Variants in ZNF468 observed in about 807,000 individuals in gnomAD.
ZNF468 encodes the protein zinc finger protein ZNF468.
Under a neutral mutation model 7.2 loss-of-function variants are expected in ZNF468, and 8 were observed. That is an observed-to-expected ratio of 1.11 (90% confidence interval 0.65 to 2.01). ZNF468 has a LOEUF of 2.01. ZNF468 is among the 30% of genes most tolerant of loss of function. The pLI, the probability that ZNF468 is intolerant of heterozygous loss-of-function variation, is 0.00. For synonymous variants in ZNF468, 218 were observed against 214.4 expected, an observed-to-expected ratio of 1.02 and a Z score of -0.15; for missense variants, 608 against 626.5, an observed-to-expected ratio of 0.97 and a Z score of 0.31.
intron 1 of ZNF468, 74 bp from the exon 2 acceptor site, chr19:52,854,419 A>G: frequency 2.1e-6 from 3 of 1,420,002 alleles, no homozygotes; most frequent in Non-Finnish European, 2.9e-6. Context: ...ACACAAACAT[A>G]GGAGACCTCA....
chr19:52,839,020 A>G lies in ZNF468; in HGVS notation c.*1705T>C, dbSNP rs2063271575. On this transcript the variant is annotated 3_prime_UTR_variant, in exon 4 of 4. Transcript: ENST00000595646. ...GTAATCTCAGCACTTTGGGAGGTGG[A>G]GTCGGGTGGATCATAAAGTCAGAAG... The G allele has an allele frequency of 6.6e-6, 1 of 152,190 alleles. No homozygotes were observed. The highest frequency in any genetic ancestry group is 1.5e-5 in the Non-Finnish European group (1 of 68,114). 9.4% of individuals were successfully genotyped at this position (152,190 alleles called of 1,614,324 possible).
chr19:52,855,264 G>T (rs1379003635), intron 1 of ZNF468, among the ~76,000 whole-genome samples: 1 of 152,084 alleles, frequency 6.6e-6, no homozygotes, highest in African/African-American at 2.4e-5. Flanking sequence ...ATGGGTAGAG[G>T]GAACTTCAGA....
intron 2 of ZNF468, chr19:52,853,936 G>A (rs1390390119): frequency 1.4e-6 from 2 of 1,386,408 alleles, no homozygotes; most frequent in South Asian, 1.7e-5. Context: ...GGTCCACAGT[G>A]AGCTGACAGT....
At chr19:52,843,737 CCAG>C (rs1395246708) in intron 3 of ZNF468, among the ~76,000 whole-genome samples, 1 of 152,158 alleles carries the variant, frequency 6.6e-6, no homozygotes, top group Non-Finnish European at 1.5e-5. Flanking sequence ...GTACTTATCA[CCAG>C]CACACAGTGT....
At chr19:52,851,178 A>C (rs1293498272) in intron 2 of ZNF468, among the ~76,000 whole-genome samples, 1 of 151,936 alleles carries the variant, frequency 6.6e-6, no homozygotes, top group Non-Finnish European at 1.5e-5. Context: ...TGAAAGGCTA[A>C]AACAGGAGAA....
rs946392220 is a variant in ZNF468 at position 52,839,007 on chromosome 19, C to A, written c.*1718G>T. 3.9e-5 allele frequency: 6 copies of A among 152,210 alleles called. No homozygotes were observed. The highest frequency in any genetic ancestry group is 7.2e-5 in the African/African-American group (3 of 41,396). 9.4% of individuals were successfully genotyped at this position (152,210 alleles called of 1,614,324 possible). On this transcript the variant is annotated 3_prime_UTR_variant, in exon 4 of 4. Transcript: ENST00000595646. ...GTGGCTCACTCCTGTAATCTCAGCACTTTGGGAGGTGGAGTCGGGTGGATC... is the reference window on the plus strand; with the variant it reads ...GTGGCTCACTCCTGTAATCTCAGCAATTTGGGAGGTGGAGTCGGGTGGATC...
chr19:52,841,234 G>T lies in ZNF468; in HGVS notation c.1060C>A (p.Pro354Thr), dbSNP rs1235492623. ...KHTILHTGEK[P>T]YTCNECGKVF... ...TTGCCACATTCATTACATGTGTAAG[G>T]TTTCTCTCCAGTGTGAAGTATAGTA... is the stretch of plus-strand genomic sequence containing the variant. The change falls in exon 4 of 4, where the codon CCT becomes ACT. Residue 354 changes from proline to threonine, a missense_variant. Coordinates refer to ENST00000595646, the MANE Select transcript of ZNF468 (RefSeq NM_001008801.2). 6 of 1,613,768 alleles carry T rather than the reference G, an allele frequency of 3.7e-6. No homozygotes were observed. The African/African-American group carries it at 8.0e-5, about 22-fold the overall frequency.
At chr19:52,845,316 A>G (rs2063334146) in intron 3 of ZNF468, 1 of 151,844 alleles carries the variant, frequency 6.6e-6, no homozygotes, top group Non-Finnish European at 1.5e-5. Context: ...AGAAAAAAAA[A>G]AGAAATGAAA....
rs547480461 is a variant in ZNF468 at position 52,839,766 on chromosome 19, T to C, written c.*959A>G. On this transcript the variant is annotated 3_prime_UTR_variant, in exon 4 of 4. Coordinates refer to ENST00000595646, the MANE Select transcript of ZNF468 (RefSeq NM_001008801.2). Reference sequence around the variant, plus strand: ...ATAGGATGAAGCTTGACTGAAGACCTTGCCTCAATCATGACATTTATAAGG... The same window carrying C: ...ATAGGATGAAGCTTGACTGAAGACCCTGCCTCAATCATGACATTTATAAGG... The C allele has an allele frequency of 2.6e-5, 13 of 496,428 alleles. No homozygotes were observed. Among genetic ancestry groups the C allele is most frequent in the East Asian group, 1.1e-4 (2 of 17,760 alleles). The allele number at this position is 496,428 out of a possible 1,614,324, so 30.8% of individuals were successfully genotyped here.
At position 52,847,161 on chromosome 19, in the gene ZNF468, C is replaced by T. The variant is rs145296986; in HGVS notation, c.142+1926G>A. Reference sequence around the variant, plus strand: ...AGAAAAATTGTTTCGCTTTGAGATGCTGTTAACCTGTAACTTTAGCCCCAA... The same window carrying T: ...AGAAAAATTGTTTCGCTTTGAGATGTTGTTAACCTGTAACTTTAGCCCCAA... On this transcript the variant is annotated intron_variant, in intron 3 of 3. Transcript: ENST00000595646. Among the ~76,000 whole-genome samples, 905 of 152,272 alleles carry T rather than the reference C, an allele frequency of 5.9e-3. 10 individuals are homozygous for T. Among genetic ancestry groups the T allele is most frequent in the Middle Eastern group, 0.014 (4 of 294 alleles).
chr19:52,846,933 G>A (rs1220816474), intron 3 of ZNF468, among the ~76,000 whole-genome samples: 2 of 152,016 alleles, frequency 1.3e-5, no homozygotes, highest in Non-Finnish European at 2.9e-5. Context: ...CCCGGGAGGC[G>A]GAGGCTGCAG....
At chr19:52,847,268 T>C (rs1446623105) in intron 3 of ZNF468, among the ~76,000 whole-genome samples, 1 of 151,976 alleles carries the variant, frequency 6.6e-6, no homozygotes, top group Non-Finnish European at 1.5e-5. Context: ...TTGTTAACAA[T>C]ATGTTTGCAG....
At chr19:52,848,392 A>G (rs1256583898) in intron 3 of ZNF468, among the ~76,000 whole-genome samples, 1 of 152,154 alleles carries the variant, frequency 6.6e-6, no homozygotes, top group Non-Finnish European at 1.5e-5. Context: ...GGATCTAGGA[A>G]AACAGTTCAC....
At position 52,840,071 on chromosome 19, in the gene ZNF468, G is replaced by A. The variant is rs986652963; in HGVS notation, c.*654C>T. 6.9e-6 allele frequency: 7 copies of A among 1,010,516 alleles called. No homozygotes were observed. The highest frequency in any genetic ancestry group is 3.3e-5 in the South Asian group (2 of 61,358). The allele number at this position is 1,010,516 out of a possible 1,614,324, so 62.6% of individuals were successfully genotyped here. ...TCTCCAGTGTGAATTCTAGTATGGG[G>A]TGCCACGTGTGAATCATTCCCGAAA... On this transcript the variant is annotated 3_prime_UTR_variant, in exon 4 of 4. Coordinates refer to ENST00000595646, the MANE Select transcript of ZNF468 (RefSeq NM_001008801.2).
In ZNF468 at chr19:52,841,446, TTA is replaced by T. The variant is rs766034496; in HGVS notation, c.846_847del (p.His282GlnfsTer18). On this transcript the variant is annotated frameshift_variant, in exon 4 of 4. Coordinates refer to ENST00000595646, the MANE Select transcript of ZNF468 (RefSeq NM_001008801.2). LOFTEE classifies it low-confidence loss of function (END_TRUNC). ...CGCTTTGTGAATGAAGAGGGATGAATTATGACCAAAGGTCTTGCCACACTCAT... is the reference window on the plus strand; with the variant it reads ...CGCTTTGTGAATGAAGAGGGATGAATTGACCAAAGGTCTTGCCACACTCAT... 1.4e-5 allele frequency: 22 copies of T among 1,613,592 alleles called. No homozygotes were observed. The highest frequency in any genetic ancestry group is 1.8e-5 in the Non-Finnish European group (21 of 1,179,832).
chr19:52,849,042 C>A (rs1390671865), intron 3 of ZNF468, 45 bp downstream of exon 3: 1 of 1,603,536 alleles, frequency 6.2e-7, no homozygotes, highest in Non-Finnish European at 8.5e-7. Context: ...AGAGAAAATG[C>A]AAAAATACAC....
intron 1 of ZNF468, among the ~76,000 whole-genome samples, chr19:52,856,180 C>G (rs563016383): frequency 6.7e-6 from 1 of 149,234 alleles, no homozygotes; most frequent in Non-Finnish European, 1.5e-5. Flanking sequence ...AACAGGGAAA[C>G]AGGGTCAGCT....
intron 2 of ZNF468, among the ~76,000 whole-genome samples, chr19:52,852,437 A>T (rs1242935983): frequency 1.3e-5 from 2 of 152,104 alleles, no homozygotes; most frequent in Non-Finnish European, 2.9e-5. Flanking sequence ...ACACTTTTGG[A>T]GGTTGAGGCA....
At chr19:52,854,181 C>G (rs764279382) in intron 2 of ZNF468, 77 bp downstream of exon 2, 42 of 1,610,442 alleles carry the variant, frequency 2.6e-5, no homozygotes, top group Non-Finnish European at 3.3e-5. Flanking sequence ...TCATTCAGAC[C>G]CAGACATTCC....
Sources: allele counts gnomAD v4.1 joint callset (sites outside exome capture counted in the v4.1 genomes callset), GRCh38; gene constraint gnomAD v4.1.1; transcripts MANE v1.5; gene names NCBI Gene and HGNC (gene_info 2026-07-23, HGNC 2026-07-21).